SUN5: variants seen among roughly 807,000 people sequenced by gnomAD.
The protein encoded by SUN5 is Sad1 and UNC84 domain containing 5.
Under a neutral mutation model 53.7 loss-of-function variants are expected in SUN5, and 44 were observed. That is an observed-to-expected ratio of 0.82 (90% confidence interval 0.64 to 1.05). The LOEUF is 1.05. Ranked by LOEUF, SUN5 falls within the 50% of genes least tolerant of loss-of-function variation. SUN5 has a pLI of 0.00. For synonymous variants in SUN5, 166 were observed against 179.8 expected, an observed-to-expected ratio of 0.92 and a Z score of 0.62; for missense variants, 433 against 483.8, an observed-to-expected ratio of 0.90 and a Z score of 0.98.
chr20:33,002,994 T>C (rs1990094577), intron 1 of SUN5, 75 bp from the exon 2 acceptor site: 1 of 1,541,196 alleles, frequency 6.5e-7, no homozygotes. Flanking sequence ...GCATACCACG[T>C]TCCAGATTGG....
Position 32,989,609 on chromosome 20 carries a change from G to A in SUN5, c.613+11C>T, listed in dbSNP as rs1477259986. ...TGAGGCAGTCAGATGGTGGGGAAGG[G>A]GGTCACCTACCTATAGACTTCAGGG... On this transcript the variant is annotated intron_variant, in intron 9 of 12. Transcript: ENST00000356173. 1.2e-6 allele frequency: 2 copies of A among 1,613,144 alleles called. No homozygotes were observed. Among genetic ancestry groups the A allele is most frequent in the Admixed American group, 1.7e-5 (1 of 59,996 alleles).
intron 3 of SUN5, among the ~76,000 whole-genome samples, chr20:33,001,522 C>CT (rs759010131): frequency 1.8e-5 from 2 of 113,316 alleles, no homozygotes; most frequent in South Asian, 2.9e-4. Context: ...TTTCTTTCTT[C>CT]TTTCTTTCTT....
rs747050839 is a variant in SUN5 at position 32,987,671 on chromosome 20, C to T, written c.718G>A (p.Val240Met). 4 of 1,609,236 alleles carry T rather than the reference C, an allele frequency of 2.5e-6. No individual in the cohort carries two copies. The highest frequency in any genetic ancestry group is 1.1e-5 in the South Asian group (1 of 89,678). ...GCCATCCCCCCTGCCTCAAGGATCA[C>T]GTCTGGGGGCTGTGCGTAGTTCCAC... ...QLWNYAQPPD[V>M]ILEPNVTPGN... Residue 240 changes from valine to methionine, a missense_variant, in exon 10 of 13, where the codon GTG (valine) becomes ATG (methionine). Coordinates refer to ENST00000356173, the MANE Select transcript of SUN5 (RefSeq NM_080675.4).
At chr20:32,984,081 T>A in intron 12 of SUN5, 132 bp from the exon 13 acceptor site, 1 of 1,114,850 alleles carries the variant, frequency 9.0e-7, no homozygotes. Flanking sequence ...GGATGGACTG[T>A]CCCAAGGCCT....
At position 32,985,814 on chromosome 20, in the gene SUN5, G is replaced by A. The variant is rs1255088001; in HGVS notation, c.819C>T (p.Asn273=). ...TCTTGGGGATGTGCTGCAGCGTGAG[G>A]TTGGACAGGTAAACCTTCTGAGCCA... ...IQLAQKVYLS[N]LTLQHIPKTI... The change falls in exon 11 of 13, where the codon AAC becomes AAT. Residue 273 remains asparagine, a synonymous_variant. Coordinates refer to ENST00000356173, the MANE Select transcript of SUN5 (RefSeq NM_080675.4). 4 of 1,614,170 alleles carry A rather than the reference G, an allele frequency of 2.5e-6. No homozygotes were observed. Among genetic ancestry groups the A allele is most frequent in the Non-Finnish European group, 8.5e-7 (1 of 1,179,994 alleles).
At chr20:32,999,624 A>G (rs951501384) in intron 5 of SUN5, among the ~76,000 whole-genome samples, 2 of 152,136 alleles carry the variant, frequency 1.3e-5, no homozygotes, top group South Asian at 2.1e-4. Context: ...TCGAAGTCCT[A>G]GTTGTTGGAT....
chr20:33,001,641 T>TCCCTCCCTCCCTCCCTCCCTCCCTC (rs1990040815), intron 3 of SUN5, among the ~76,000 whole-genome samples: 1 of 67,446 alleles, frequency 1.5e-5, no homozygotes, highest in African/African-American at 5.9e-5. Context: ...TTCTTTCTTT[T>TCCCTCCCTCCCTCCCTCCCTCCCTC]CCTCCCTCCC....
rs754196401 is a variant in SUN5, at chr20:33,000,066, G to A, written c.340+8C>T. 3.4e-5 allele frequency: 55 copies of A among 1,607,962 alleles called. No homozygotes were observed. Among genetic ancestry groups the A allele is most frequent in the South Asian group, 2.9e-4 (26 of 88,894 alleles). Reference sequence around the variant, plus strand: ...CCACCTGGGACTGGGCAGGGCCCTGGGACACACCGAAAGCACAGAGGAGCA... The same window carrying A: ...CCACCTGGGACTGGGCAGGGCCCTGAGACACACCGAAAGCACAGAGGAGCA... On this transcript the variant is annotated splice_region_variant and intron_variant, in intron 5 of 12. Coordinates refer to ENST00000356173, the MANE Select transcript of SUN5 (RefSeq NM_080675.4).
At chr20:32,995,970 G>A (rs1397118999) in intron 7 of SUN5, among the ~76,000 whole-genome samples, 9 of 152,020 alleles carry the variant, frequency 5.9e-5, no homozygotes, top group Non-Finnish European at 1.3e-4. Flanking sequence ...TATTTTGTCT[G>A]CAATTAAGGA....
In SUN5 at chr20:33,004,341, C is replaced by T. The variant is rs751814566; in HGVS notation, c.-1G>A. The T allele has an allele frequency of 3.9e-6, 6 of 1,558,198 alleles. No homozygotes were observed. In the East Asian group the frequency reaches 1.2e-4, roughly 31 times the overall value. Reference sequence around the variant, plus strand: ...CAGGGCTCCTTGAGGACCGTGGCATCGATTTCCTTCTTTAGGATTGGGGAT... The same window carrying T: ...CAGGGCTCCTTGAGGACCGTGGCATTGATTTCCTTCTTTAGGATTGGGGAT... On this transcript the variant is annotated 5_prime_UTR_variant, in exon 1 of 13. Transcript: ENST00000356173.
chr20:33,004,215 T>C (rs1282738585), intron 1 of SUN5, 49 bp downstream of exon 1: 2 of 1,490,158 alleles, frequency 1.3e-6, no homozygotes, highest in Admixed American at 4.7e-5. Flanking sequence ...AGGGGCAGCA[T>C]TTTGTAAACT....
intron 12 of SUN5, 80 bp downstream of exon 12, chr20:32,985,019 G>A (rs1256590155): frequency 1.4e-6 from 2 of 1,428,774 alleles, no homozygotes; most frequent in African/African-American, 1.4e-5. Context: ...GATACTGGGG[G>A]ATGAAGAGGG....
intron 9 of SUN5, 21 bp downstream of exon 9, chr20:32,989,599 G>A (rs756319906): frequency 6.2e-7 from 1 of 1,611,122 alleles, no homozygotes; most frequent in Non-Finnish European, 8.5e-7. Flanking sequence ...CAGTCAGATG[G>A]TGGGGAAGGG....
At chr20:32,986,566 G>C (rs1989545482) in intron 10 of SUN5, among the ~76,000 whole-genome samples, 2 of 152,296 alleles carry the variant, frequency 1.3e-5, no homozygotes, top group East Asian at 1.9e-4. Context: ...GTCAGGGAAG[G>C]CCTCCTGAGG....
At chr20:32,989,767 G>A (rs879002472) in intron 8 of SUN5, 69 bp from the exon 9 acceptor site, 51 of 1,324,812 alleles carry the variant, frequency 3.8e-5, no homozygotes, top group South Asian at 3.0e-4. Flanking sequence ...ACGTGTCCAC[G>A]GGAGGTAACA....
intron 8 of SUN5, among the ~76,000 whole-genome samples, chr20:32,992,529 G>A (rs1462230820): frequency 6.6e-6 from 1 of 152,148 alleles, no homozygotes; most frequent in Non-Finnish European, 1.5e-5. Flanking sequence ...AAACAGAAGG[G>A]CTCTGTTGGG....
intron 5 of SUN5, among the ~76,000 whole-genome samples, chr20:32,998,195 A>AAAAAAAAAAC (rs1989904584): frequency 6.6e-6 from 1 of 150,670 alleles, no homozygotes; most frequent in Non-Finnish European, 1.5e-5. Context: ...AAAAAAAAAA[A>AAAAAAAAAAC]AAAATACAAA....
chr20:33,000,147 G>T lies in SUN5; in HGVS notation c.279-12C>A. The T allele has an allele frequency of 6.3e-7, 1 of 1,597,124 alleles. No homozygotes were observed. The highest frequency in any genetic ancestry group is 8.5e-7 in the Non-Finnish European group (1 of 1,173,236). ...ACAGCAGCTTGCATCTGGAAGGCAG[G>T]GAGTGGTGGTCAAGATCAGGTGGGC... On this transcript the variant is annotated splice_polypyrimidine_tract_variant and intron_variant, in intron 4 of 12. Coordinates refer to ENST00000356173, the MANE Select transcript of SUN5 (RefSeq NM_080675.4).
intron 4 of SUN5, among the ~76,000 whole-genome samples, chr20:33,000,843 T>TAAAA (rs538864856): frequency 1.9e-5 from 2 of 107,282 alleles, no homozygotes; most frequent in African/African-American, 6.5e-5. Context: ...AAACCCTGTC[T>TAAAA]AAAAAAAAAA....
Sources: allele counts gnomAD v4.1 joint callset (sites outside exome capture counted in the v4.1 genomes callset), GRCh38; gene constraint gnomAD v4.1.1; transcripts MANE v1.5; gene names NCBI Gene and HGNC (gene_info 2026-07-23, HGNC 2026-07-21).